The following CDH12 variants were observed in gnomAD, a reference collection of about 807,000 sequenced individuals.
The protein encoded by CDH12 is cadherin 12.
CDH12 carries 41 observed loss-of-function variants against 74.1 expected under a neutral mutation model. The ratio of observed to expected loss-of-function variants is 0.55; its 90% CI spans 0.43 to 0.72. The LOEUF (loss-of-function observed/expected upper bound fraction) is 0.72. Ranked by LOEUF, CDH12 falls within the 30% of genes least tolerant of loss-of-function variation. The probability of loss-of-function intolerance (pLI) is 0.00; values close to 1 mark genes in which losing one functional copy is unlikely to be tolerated. For missense variants in CDH12, 945 were observed against 977.2 expected, an observed-to-expected ratio of 0.97 and a Z score of 0.44; for synonymous variants, 399 against 355.0, an observed-to-expected ratio of 1.12 and a Z score of -1.39.
chr5:22,122,399 T>A (rs978257008), intron 4 of CDH12, among the ~76,000 whole-genome samples: 2 of 152,128 alleles, frequency 1.3e-5, no homozygotes, highest in Admixed American at 6.5e-5. Context: ...TGAGACTCCA[T>A]CTCACAAAAA....
At chr5:22,411,118 T>A (rs1360767979) in intron 2 of CDH12, among the ~76,000 whole-genome samples, 1 of 151,556 alleles carries the variant, frequency 6.6e-6, no homozygotes, top group East Asian at 1.9e-4. Context: ...AGATATATAA[T>A]GGAAATAAAG....
intron 1 of CDH12, among the ~76,000 whole-genome samples, chr5:22,760,609 G>T (rs1425487963): frequency 5.6e-5 from 8 of 143,600 alleles, no homozygotes; most frequent in African/African-American, 2.1e-4. Context: ...AACCCGGGAG[G>T]CAAATGTTGC....
chr5:22,419,568 G>T (rs1743548483), intron 2 of CDH12, among the ~76,000 whole-genome samples: 1 of 152,120 alleles, frequency 6.6e-6, no homozygotes, highest in South Asian at 2.1e-4. Flanking sequence ...CTTTTGGATT[G>T]AATCCATGCC....
intron 2 of CDH12, among the ~76,000 whole-genome samples, chr5:22,495,121 T>C (rs987910541): frequency 2.0e-5 from 3 of 152,180 alleles, no homozygotes; most frequent in South Asian, 2.1e-4. Flanking sequence ...ACAGGACATA[T>C]GCTTTCTATC....
chr5:22,763,631 G>T (rs986131463), intron 1 of CDH12, among the ~76,000 whole-genome samples: 5 of 151,718 alleles, frequency 3.3e-5, no homozygotes, highest in African/African-American at 1.2e-4. Context: ...TTAGCCTTTT[G>T]GTTTCTAACC....
chr5:21,830,015 A>G (rs1209846982), intron 8 of CDH12, among the ~76,000 whole-genome samples: 1 of 151,810 alleles, frequency 6.6e-6, no homozygotes, highest in African/African-American at 2.4e-5. Context: ...CTTGGCCAAC[A>G]TGGTGAAACC....
chr5:21,785,092 A>G (rs1042997992), intron 10 of CDH12, among the ~76,000 whole-genome samples: 3 of 75,464 alleles, frequency 4.0e-5, no homozygotes, highest in African/African-American at 1.0e-4. Context: ...AATTAATATT[A>G]TAACAGGGTG....
At chr5:22,112,034 G>A (rs1286086059) in intron 4 of CDH12, among the ~76,000 whole-genome samples, 1 of 151,880 alleles carries the variant, frequency 6.6e-6, no homozygotes, top group Non-Finnish European at 1.5e-5. Context: ...AAATATGAAT[G>A]TATTTAGAAA....
intron 1 of CDH12, among the ~76,000 whole-genome samples, chr5:22,592,627 G>C (rs1335712541): frequency 6.6e-6 from 1 of 151,824 alleles, no homozygotes; most frequent in Non-Finnish European, 1.5e-5. Context: ...CAGGTTTAAT[G>C]AAAAAGACAA....
chr5:22,766,850 T>C (rs1461499247), intron 1 of CDH12, among the ~76,000 whole-genome samples: 2 of 152,110 alleles, frequency 1.3e-5, no homozygotes, highest in African/African-American at 2.4e-5. Context: ...GCATAGGTTA[T>C]ATGCAAATAT....
At chr5:21,863,903 G>C (rs1159985894) in intron 6 of CDH12, among the ~76,000 whole-genome samples, 1 of 151,984 alleles carries the variant, frequency 6.6e-6, no homozygotes, top group Non-Finnish European at 1.5e-5. Context: ...GTTTCTTTTT[G>C]CTTTTGTCTT....
chr5:22,135,417 A>G (rs1483824076), intron 4 of CDH12, among the ~76,000 whole-genome samples: 1 of 152,034 alleles, frequency 6.6e-6, no homozygotes, highest in East Asian at 1.9e-4. Context: ...CAAGTTAAGG[A>G]TCTAAGCGTA....
chr5:22,320,545 T>C (rs1160051964), intron 3 of CDH12, among the ~76,000 whole-genome samples: 1 of 152,148 alleles, frequency 6.6e-6, no homozygotes, highest in African/African-American at 2.4e-5. Flanking sequence ...AAGCAGAGCA[T>C]GCATGCATAT....
chr5:22,564,735 T>C (rs1168681809), intron 1 of CDH12, among the ~76,000 whole-genome samples: 1 of 152,188 alleles, frequency 6.6e-6, no homozygotes, highest in East Asian at 1.9e-4. Context: ...CTTTGATTTG[T>C]TGTATTTAAC....
chr5:22,037,375 G>T (rs562447625), intron 5 of CDH12, among the ~76,000 whole-genome samples: 249 of 152,266 alleles, frequency 1.6e-3, no homozygotes, highest in African/African-American at 5.9e-3. Flanking sequence ...GAATGATATA[G>T]CCTGGGAAAG....
intron 5 of CDH12, among the ~76,000 whole-genome samples, chr5:22,065,416 A>G (rs1301796330): frequency 2.6e-5 from 4 of 152,178 alleles, no homozygotes; most frequent in Admixed American, 6.6e-5. Context: ...TCTGCATTTA[A>G]TATTGCAGCA....
intron 2 of CDH12, among the ~76,000 whole-genome samples, chr5:22,438,579 G>A (rs191856151): frequency 1.3e-5 from 2 of 151,862 alleles, no homozygotes; most frequent in Admixed American, 1.3e-4. Context: ...AATTTAAATG[G>A]GTTAAATTAA....
chr5:22,680,511 C>A (rs977729197), intron 1 of CDH12, among the ~76,000 whole-genome samples: 5 of 151,986 alleles, frequency 3.3e-5, no homozygotes, highest in African/African-American at 1.2e-4. Flanking sequence ...GTGCTCATAG[C>A]ATGTTGATGA....
At chr5:22,812,718 C>T (rs890992951) in intron 1 of CDH12, among the ~76,000 whole-genome samples, 2 of 151,960 alleles carry the variant, frequency 1.3e-5, no homozygotes, top group Non-Finnish European at 2.9e-5. Flanking sequence ...AAGGGTCTGG[C>T]GAAAAGAAAA....
Sources: allele counts gnomAD v4.1 joint callset (sites outside exome capture counted in the v4.1 genomes callset), GRCh38; gene constraint gnomAD v4.1.1; transcripts MANE v1.5; gene names NCBI Gene and HGNC (gene_info 2026-07-23, HGNC 2026-07-21).